Variants in PAK3 observed in about 807,000 individuals in gnomAD.
PAK3 encodes p21 (RAC1) activated kinase 3, also known as serine/threonine-protein kinase PAK 3.
A neutral mutation model predicts 41.0 loss-of-function variants in PAK3; 4 were observed. The ratio of observed to expected loss-of-function variants is 0.10; its 90% CI spans 0.05 to 0.22. PAK3 has a LOEUF of 0.22. Ranked by LOEUF, PAK3 falls within the 10% of genes least tolerant of loss-of-function variation. The pLI, the probability that PAK3 is intolerant of heterozygous loss-of-function variation, is 1.00. For missense variants in PAK3, 205 were observed against 409.9 expected (o/e 0.50, Z 4.32); for synonymous variants, 146 against 139.6 (o/e 1.05, Z -0.32).
intron 11 of PAK3, among the ~76,000 whole-genome samples, chrX:111,185,314 G>T (rs748642447): frequency 4.4e-4 from 49 of 111,114 alleles, no homozygotes; most frequent in African/African-American, 1.6e-3. Context: ...CACATGGATC[G>T]ATTGCAAAAA....
intron 1 of PAK3, among the ~76,000 whole-genome samples, chrX:110,971,589 A>G (rs1356901239): frequency 8.9e-6 from 1 of 111,801 alleles, no homozygotes; most frequent in Non-Finnish European, 1.9e-5. Flanking sequence ...CCCTTATCTC[A>G]TATATGATTT....
chrX:111,006,577 A>G (rs1351643069), intron 1 of PAK3, among the ~76,000 whole-genome samples: 1 of 111,982 alleles, frequency 8.9e-6, no homozygotes, highest in African/African-American at 3.2e-5. Context: ...AAAATAAAAA[A>G]TAAAACAGAT....
At chrX:110,984,803 C>T (rs896522163) in intron 1 of PAK3, among the ~76,000 whole-genome samples, 1 of 110,714 alleles carries the variant, frequency 9.0e-6, no homozygotes, top group African/African-American at 3.3e-5. Context: ...CAACTCCAAC[C>T]AATCTCTACT....
At chrX:110,984,586 G>A (rs961518424) in intron 1 of PAK3, among the ~76,000 whole-genome samples, 1 of 111,955 alleles carries the variant, frequency 8.9e-6, no homozygotes, top group Non-Finnish European at 1.9e-5. Context: ...GAGGAATAAT[G>A]TGGGTGCTCA....
chrX:111,163,628 C>T lies in PAK3; in HGVS notation c.667C>T (p.Pro223Ser), dbSNP rs1336640754. ...PAVPNKEVTP[P>S]SAENANSSTL... is the part of the protein sequence containing the mutation. The stretch of plus-strand genomic sequence containing the variant: ...AGTACCAAATAAAGAGGTCACACCA[C>T]CCTCTGCTGAAAATGCCAATTCCAG... The change falls in exon 10 of 18, where the codon CCC becomes TCC. Residue 223 changes from proline to serine, a missense_variant. Physicochemically the swap from Pro to Ser is moderately conservative, Grantham distance 74 (BLOSUM62 -1). Around this residue, in one of 5 missense-constraint regions of PAK3, gnomAD observed 75 missense variants for 91.9 expected, o/e 0.82. Coordinates refer to ENST00000372007, the MANE Select transcript of PAK3 (RefSeq NM_002578.5). 1 of 1,191,984 alleles carries T rather than the reference C, an allele frequency of 8.4e-7. No homozygotes were observed. The highest frequency in any genetic ancestry group is 3.0e-5 in the East Asian group (1 of 33,741).
At chrX:111,137,898 G>A (rs1250505299) in intron 5 of PAK3, among the ~76,000 whole-genome samples, 1 of 111,697 alleles carries the variant, frequency 9.0e-6, no homozygotes, top group Non-Finnish European at 1.9e-5. Context: ...TGACCAGGTT[G>A]AGCTTTAAGA....
intron 7 of PAK3, among the ~76,000 whole-genome samples, chrX:111,150,544 C>T (rs945689435): frequency 1.8e-5 from 2 of 111,533 alleles, no homozygotes; most frequent in African/African-American, 6.5e-5. Context: ...TTTCTTACAT[C>T]GCAGCAGCAA....
At chrX:111,162,094 C>T (rs2094197743) in intron 8 of PAK3, among the ~76,000 whole-genome samples, 1 of 111,349 alleles carries the variant, frequency 9.0e-6, no homozygotes, top group African/African-American at 3.3e-5. Flanking sequence ...TGAAAATTTG[C>T]ATTTCTAACA....
intron 16 of PAK3, among the ~76,000 whole-genome samples, chrX:111,209,537 G>C (rs778188278): frequency 9.0e-6 from 1 of 111,676 alleles, no homozygotes; most frequent in Non-Finnish European, 1.9e-5. Flanking sequence ...GGCTGGGCTG[G>C]AGCCCTGTCA....
chrX:111,142,389 C>T lies in PAK3; in HGVS notation c.276+193C>T, dbSNP rs149292602. Among the ~76,000 whole-genome samples the T allele has an allele frequency of 2.4e-3, 267 of 112,346 alleles. 1 individual carries two copies. Among genetic ancestry groups the T allele is most frequent in the African/African-American group, 8.3e-3 (258 of 31,031 alleles). On this transcript the variant is annotated intron_variant, in intron 6 of 17. Transcript: ENST00000372007. ...ACAGCATTGACCAAATTATTTTGTCCATCTTTTAAAAAAGTTTGATCACTG... is the reference window on the plus strand; with the variant it reads ...ACAGCATTGACCAAATTATTTTGTCTATCTTTTAAAAAAGTTTGATCACTG...
intron 1 of PAK3, among the ~76,000 whole-genome samples, chrX:111,086,787 A>C (rs1030875216): frequency 9.0e-6 from 1 of 111,709 alleles, no homozygotes; most frequent in Non-Finnish European, 1.9e-5. Context: ...ATTTGTAAGA[A>C]GCTTGAATTT....
At chrX:111,000,547 A>T (rs144757544) in intron 1 of PAK3, among the ~76,000 whole-genome samples, 1,275 of 112,005 alleles carry the variant, frequency 0.011, 9 homozygotes, top group Non-Finnish European at 0.016. Flanking sequence ...CCTGGATTGG[A>T]TCCTAGAACA....
intron 1 of PAK3, among the ~76,000 whole-genome samples, chrX:111,016,613 T>C (rs966624119): frequency 2.7e-5 from 3 of 111,013 alleles, no homozygotes; most frequent in African/African-American, 9.9e-5. Context: ...GAGTAACCAT[T>C]AATGCAGGTA....
intron 1 of PAK3, among the ~76,000 whole-genome samples, chrX:111,007,567 T>A (rs946282256): frequency 3.6e-5 from 4 of 111,169 alleles, no homozygotes; most frequent in Admixed American, 9.5e-5. Flanking sequence ...CCAAGGAGGA[T>A]TCCCATTTCA....
intron 4 of PAK3, among the ~76,000 whole-genome samples, chrX:111,111,851 A>C (rs1389707346): frequency 2.7e-5 from 3 of 111,584 alleles, no homozygotes; most frequent in African/African-American, 9.8e-5. Flanking sequence ...GGTCCTGAGA[A>C]CAGTTAATCC....
At chrX:111,117,091 A>C (rs2093478451) in intron 4 of PAK3, among the ~76,000 whole-genome samples, 1 of 111,988 alleles carries the variant, frequency 8.9e-6, no homozygotes, top group African/African-American at 3.2e-5. Context: ...CCATCTAAGA[A>C]TTGGTACAAC....
At chrX:111,001,290 TGAAGG>T (rs1479323346) in intron 1 of PAK3, among the ~76,000 whole-genome samples, 1 of 112,007 alleles carries the variant, frequency 8.9e-6, no homozygotes, top group Non-Finnish European at 1.9e-5. Context: ...GACAGAAACA[TGAAGG>T]GAAGGAAAGA....
At chrX:110,996,008 C>T (rs898102214) in intron 1 of PAK3, among the ~76,000 whole-genome samples, 1 of 111,889 alleles carries the variant, frequency 8.9e-6, no homozygotes, top group Non-Finnish European at 1.9e-5. Flanking sequence ...CTTGTCCCCA[C>T]GTTATTCTCA....
chrX:110,986,060 G>A (rs2091536947), intron 1 of PAK3, among the ~76,000 whole-genome samples: 1 of 111,158 alleles, frequency 9.0e-6, no homozygotes, highest in Admixed American at 9.6e-5. Context: ...TCCCCATAGG[G>A]TAGCAGCTAC....
Sources: allele counts gnomAD v4.1 joint callset (sites outside exome capture counted in the v4.1 genomes callset), GRCh38; gene constraint gnomAD v4.1.1; regional missense constraint gnomAD v4.1.1; transcripts MANE v1.5; gene names NCBI Gene and HGNC (gene_info 2026-07-23, HGNC 2026-07-21).